The following CHLSN variants were observed in gnomAD, a reference collection of about 807,000 sequenced individuals.
The protein encoded by CHLSN is cholesin, also known as protein cholesin.
At chr7:989,238 C>T in the CHLSN span, 1 of 202,176 alleles carries the variant, frequency 4.9e-6, no homozygotes. Flanking sequence ...GCCCTGCACC[C>T]CCCAGGTCCT....
chr7:1,034,333 CAT>C, the CHLSN span, among the ~76,000 whole-genome samples: 1 of 151,288 alleles, frequency 6.6e-6, no homozygotes, highest in Non-Finnish European at 1.5e-5. Flanking sequence ...AGAGTCAAGA[CAT>C]AAATTCTCCC....
At chr7:1,025,808 T>G in the CHLSN span, 1 of 152,312 alleles carries the variant, frequency 6.6e-6, no homozygotes, top group Non-Finnish European at 1.5e-5. Context: ...GGCCCTTCAC[T>G]GCCTCCCCTG....
the CHLSN span, among the ~76,000 whole-genome samples, chr7:1,133,409 A>AAAAAAAAAAAAAAC: frequency 4.4e-4 from 66 of 149,518 alleles, no homozygotes; most frequent in East Asian, 3.8e-3. Context: ...AAAAAAAAAA[A>AAAAAAAAAAAAAAC]AAAACTATAA....
At chr7:1,093,763 TG>T in the CHLSN span, 1 of 445,320 alleles carries the variant, frequency 2.2e-6, no homozygotes, top group South Asian at 1.6e-5. Flanking sequence ...GAAAAGCTGA[TG>T]AGGCTGGTGA....
At chr7:1,122,455 G>A in the CHLSN span, among the ~76,000 whole-genome samples, 4 of 152,172 alleles carry the variant, frequency 2.6e-5, no homozygotes, top group African/African-American at 9.6e-5. Flanking sequence ...CGCGTATGCC[G>A]CCTTCCCCCG....
At chr7:1,120,310 G>T in the CHLSN span, among the ~76,000 whole-genome samples, 108 of 151,974 alleles carry the variant, frequency 7.1e-4, no homozygotes, top group African/African-American at 1.4e-3. Flanking sequence ...ACATTTTGGG[G>T]TTTTTTTTAT....
the CHLSN span, among the ~76,000 whole-genome samples, chr7:1,006,045 TATAA>T: frequency 9.9e-5 from 15 of 152,252 alleles, no homozygotes; most frequent in Admixed American, 5.9e-4. Context: ...GCGTTAAGCA[TATAA>T]ATAAACTCTT....
At chr7:1,028,299 G>A in the CHLSN span, 5 of 1,052,864 alleles carry the variant, frequency 4.7e-6, no homozygotes, top group South Asian at 7.7e-5. Flanking sequence ...GGACGGCGCC[G>A]GGGCAGGGAT....
the CHLSN span, among the ~76,000 whole-genome samples, chr7:1,031,995 T>C: frequency 1.3e-5 from 2 of 152,100 alleles, no homozygotes; most frequent in Admixed American, 1.3e-4. Flanking sequence ...GTAATGAGAA[T>C]TCGCCTTCGA....
the CHLSN span, chr7:1,055,546 A>C: frequency 1.1e-4 from 48 of 425,046 alleles, no homozygotes; most frequent in Non-Finnish European, 1.8e-4. Context: ...CAGTACAGGC[A>C]GGAGAGGGGA....
chr7:989,133 A>T, the CHLSN span: 1 of 366,268 alleles, frequency 2.7e-6, no homozygotes, highest in Non-Finnish European at 4.9e-6. Flanking sequence ...AGCTCCCCCC[A>T]GGGCCCCCCA....
At chr7:1,102,290 G>A in the CHLSN span, among the ~76,000 whole-genome samples, 2 of 152,260 alleles carry the variant, frequency 1.3e-5, no homozygotes, top group Non-Finnish European at 2.9e-5. Flanking sequence ...TGGGCCCAGC[G>A]GCAGTGGCAG....
At chr7:981,332 C>A in the CHLSN span, among the ~76,000 whole-genome samples, 1 of 151,558 alleles carries the variant, frequency 6.6e-6, no homozygotes, top group Non-Finnish European at 1.5e-5. Flanking sequence ...GAAAAAGAGG[C>A]CGGCCCGGCA....
chr7:1,114,993 G>T, the CHLSN span, among the ~76,000 whole-genome samples: 1 of 152,236 alleles, frequency 6.6e-6, no homozygotes, highest in Non-Finnish European at 1.5e-5. Flanking sequence ...CTTCCTGTTT[G>T]AGATGCCTGT....
the CHLSN span, chr7:1,093,638 C>T: frequency 1.5e-5 from 7 of 471,134 alleles, no homozygotes; most frequent in Non-Finnish European, 2.6e-5. Flanking sequence ...GTGGGTTAGT[C>T]GGGTGCCAGG....
At chr7:1,015,071 C>T in the CHLSN span, among the ~76,000 whole-genome samples, 4 of 152,336 alleles carry the variant, frequency 2.6e-5, no homozygotes, top group African/African-American at 9.6e-5. Flanking sequence ...CTGAGAACAG[C>T]CCAAAAGGAC....
the CHLSN span, among the ~76,000 whole-genome samples, chr7:1,070,640 GACACACATGC>G: frequency 2.7e-4 from 36 of 135,848 alleles, no homozygotes; most frequent in South Asian, 7.1e-4. Flanking sequence ...CACGCACACG[GACACACATGC>G]ACACACATGC....
chr7:1,059,723 C>T, the CHLSN span, among the ~76,000 whole-genome samples: 2,075 of 6,900 alleles, frequency 0.3, 112 homozygotes, highest in Middle Eastern at 0.5. Flanking sequence ...CTTAGCGGGG[C>T]GGGTCTTAGG....
chr7:1,086,434 C>T, the CHLSN span, among the ~76,000 whole-genome samples: 1 of 152,162 alleles, frequency 6.6e-6, no homozygotes, highest in African/African-American at 2.4e-5. Context: ...CAAAAAGGTA[C>T]ATATTAGAGT....
Sources: allele counts gnomAD v4.1 joint callset (sites outside exome capture counted in the v4.1 genomes callset), GRCh38; gene constraint gnomAD v4.1.1; transcripts MANE v1.5; gene names NCBI Gene and HGNC (gene_info 2026-07-23, HGNC 2026-07-21).